Variants in ADAMTS6 observed in about 807,000 individuals in gnomAD.
ADAMTS6 encodes the protein ADAM metallopeptidase with thrombospondin type 1 motif 6, also known as A disintegrin and metalloproteinase with thrombospondin motifs 6.
A neutral mutation model predicts 144.3 loss-of-function variants in ADAMTS6; 23 were observed. That is an observed-to-expected ratio of 0.16 (90% CI 0.11 to 0.23). The LOEUF (loss-of-function observed/expected upper bound fraction) is 0.23. Among genes scored for constraint, ADAMTS6 ranks in the 10% least tolerant of loss-of-function variants. The probability of loss-of-function intolerance (pLI) is 1.00; values close to 1 mark genes in which losing one functional copy is unlikely to be tolerated. For missense variants in ADAMTS6, 999 were observed against 1,379.6 expected (o/e 0.72, Z 4.37); for synonymous variants, 444 against 457.5 (o/e 0.97, Z 0.38).
intron 2 of ADAMTS6, among the ~76,000 whole-genome samples, chr5:65,471,573 C>T (rs554224864): frequency 1.3e-5 from 2 of 151,098 alleles, no homozygotes; most frequent in East Asian, 1.9e-4. Context: ...AATCATCACA[C>T]GGTGAAACCC....
chr5:65,246,814 T>G (rs1759666999), intron 14 of ADAMTS6, among the ~76,000 whole-genome samples: 1 of 152,142 alleles, frequency 6.6e-6, no homozygotes. Flanking sequence ...CCTGATTTCA[T>G]TCCATCAGGG....
rs1751989343 is a variant in ADAMTS6 at position 65,148,918 on chromosome 5, A to T, written c.*2918T>A. ...GCAATAAATTAGAATATAATTTACA[A>T]AAGCAAAAAAATTAACAGTGTACCA... On this transcript the variant is annotated 3_prime_UTR_variant, in exon 25 of 25. Transcript: ENST00000381055. 6.6e-6 allele frequency: 1 copy of T among 152,660 alleles called. No individual in the cohort carries two copies. The highest frequency in any genetic ancestry group is 2.4e-5 in the African/African-American group (1 of 41,450). 9.5% of individuals were successfully genotyped at this position (152,660 alleles called of 1,614,324 possible).
intron 14 of ADAMTS6, among the ~76,000 whole-genome samples, chr5:65,245,584 T>C (rs755538922): frequency 6.6e-6 from 1 of 152,152 alleles, no homozygotes; most frequent in Non-Finnish European, 1.5e-5. Context: ...TATTATATTA[T>C]AGCTAAATTT....
chr5:65,225,057 G>A lies in ADAMTS6; in HGVS notation c.2068-10C>T. ...TATCACAGCCTACGTGCTGAAAACA[G>A]AGAGGAATATTCAGTGTGTCAAGAG... On this transcript the variant is annotated splice_polypyrimidine_tract_variant and intron_variant, in intron 16 of 24. Transcript: ENST00000381055. 6.2e-7 allele frequency: 1 copy of A among 1,612,496 alleles called. No individual in the cohort carries two copies. Among genetic ancestry groups the A allele is most frequent in the Non-Finnish European group, 8.5e-7 (1 of 1,179,378 alleles).
At chr5:65,378,870 T>C (rs1290805087) in intron 7 of ADAMTS6, among the ~76,000 whole-genome samples, 3 of 152,026 alleles carry the variant, frequency 2.0e-5, no homozygotes, top group Admixed American at 1.3e-4. Flanking sequence ...TTCTCCAGAA[T>C]AGAAAAGAGA....
chr5:65,368,642 G>C (rs570604313), intron 7 of ADAMTS6, among the ~76,000 whole-genome samples: 7 of 152,212 alleles, frequency 4.6e-5, no homozygotes, highest in Non-Finnish European at 7.3e-5. Context: ...AAGAATGAAA[G>C]CCACAGGCTA....
At chr5:65,332,103 C>A (rs1251564460) in intron 8 of ADAMTS6, among the ~76,000 whole-genome samples, 2 of 150,802 alleles carry the variant, frequency 1.3e-5, no homozygotes, top group Non-Finnish European at 3.0e-5. Flanking sequence ...AGGCAGTACT[C>A]AAAATACTTT....
chr5:65,429,607 A>G (rs1294917957), intron 7 of ADAMTS6, among the ~76,000 whole-genome samples: 1 of 152,146 alleles, frequency 6.6e-6, no homozygotes, highest in African/African-American at 2.4e-5. Flanking sequence ...GAACCCTTAG[A>G]TGGGTGAGAA....
chr5:65,220,501 T>G (rs1006655966), intron 18 of ADAMTS6, among the ~76,000 whole-genome samples: 6 of 152,006 alleles, frequency 3.9e-5, no homozygotes, highest in Non-Finnish European at 7.4e-5. Context: ...TCCCAGCACT[T>G]TGGGAGGCCG....
chr5:65,443,380 G>C (rs1033429295), intron 7 of ADAMTS6, among the ~76,000 whole-genome samples: 4 of 152,008 alleles, frequency 2.6e-5, no homozygotes, highest in African/African-American at 4.8e-5. Context: ...CAGCACTTTG[G>C]GAGACCAAGG....
intron 2 of ADAMTS6, 58 bp downstream of exon 2, chr5:65,473,519 C>T (rs1370702122): frequency 1.4e-6 from 2 of 1,456,460 alleles, no homozygotes; most frequent in Non-Finnish European, 1.9e-6. Flanking sequence ...TATGCAGAAT[C>T]TTTTCTTGTC....
chr5:65,371,637 A>G (rs1162729166), intron 7 of ADAMTS6, among the ~76,000 whole-genome samples: 2 of 152,204 alleles, frequency 1.3e-5, no homozygotes, highest in African/African-American at 4.8e-5. Context: ...GACCAAATCT[A>G]CGTCTGATTG....
chr5:65,294,860 C>A (rs28516380), intron 10 of ADAMTS6, among the ~76,000 whole-genome samples: 9 of 151,370 alleles, frequency 5.9e-5, no homozygotes, highest in Non-Finnish European at 1.3e-4. Flanking sequence ...TAACTACTAT[C>A]CTAACTTTTT....
At chr5:65,279,862 C>G (rs1404029443) in intron 11 of ADAMTS6, among the ~76,000 whole-genome samples, 1 of 152,180 alleles carries the variant, frequency 6.6e-6, no homozygotes, top group African/African-American at 2.4e-5. Flanking sequence ...TCCTATCTGT[C>G]AACTTCATGG....
chr5:65,445,530 T>TG (rs1758209153), intron 7 of ADAMTS6, among the ~76,000 whole-genome samples: 1 of 152,136 alleles, frequency 6.6e-6, no homozygotes, highest in Admixed American at 6.6e-5. Flanking sequence ...TTAGTAGAGA[T>TG]GGGGTTTCAC....
At chr5:65,451,738 T>G in intron 6 of ADAMTS6, 118 bp from the exon 7 acceptor site, 10 of 1,209,424 alleles carry the variant, frequency 8.3e-6, no homozygotes, top group Admixed American at 2.7e-5. Context: ...GAATAATCTC[T>G]TGCCAATTTT....
chr5:65,209,876 C>T (rs1292440616), intron 20 of ADAMTS6: 1 of 152,250 alleles, frequency 6.6e-6, no homozygotes. Flanking sequence ...ATCCCTTTTT[C>T]CCACCTAGCA....
intron 7 of ADAMTS6, among the ~76,000 whole-genome samples, chr5:65,357,918 C>T (rs1332231262): frequency 6.6e-6 from 1 of 151,884 alleles, no homozygotes; most frequent in African/African-American, 2.4e-5. Flanking sequence ...AAAGGCTTTA[C>T]ATCAATCCTT....
chr5:65,324,507 T>C (rs1188199850), intron 9 of ADAMTS6, among the ~76,000 whole-genome samples: 1 of 148,614 alleles, frequency 6.7e-6, no homozygotes, highest in Non-Finnish European at 1.5e-5. Flanking sequence ...TGAGAAAATA[T>C]CATGATATAT....
Sources: gnomAD v4.1 joint callset for allele counts (sites outside exome capture counted in the v4.1 genomes callset) on GRCh38, gnomAD v4.1.1 for gene constraint, MANE v1.5 for transcripts, NCBI Gene and HGNC (gene_info 2026-07-23, HGNC 2026-07-21) for gene names.